Variants in ARHGAP15 observed in about 807,000 individuals in gnomAD.
ARHGAP15 encodes rho GTPase-activating protein 15.
ARHGAP15 carries 51 observed loss-of-function variants against 63.7 expected under a neutral mutation model. The observed-to-expected ratio is 0.80, with a 90% CI of 0.64 to 1.01. The LOEUF is 1.01. Among genes scored for constraint, ARHGAP15 ranks in the 50% least tolerant of loss-of-function variants. The pLI is 0.00. For synonymous variants in ARHGAP15, 191 were observed against 193.8 expected (o/e 0.99, Z 0.12); for missense variants, 560 against 564.6 (o/e 0.99, Z 0.08).
chr2:143,371,008 G>A (rs1021547847), intron 6 of ARHGAP15, among the ~76,000 whole-genome samples: 2 of 152,102 alleles, frequency 1.3e-5, no homozygotes, highest in Non-Finnish European at 2.9e-5. Flanking sequence ...CTGATAAATT[G>A]GGGGGAATAG....
At chr2:143,346,204 A>ACACACACACTCTCT (rs1685275820) in intron 6 of ARHGAP15, among the ~76,000 whole-genome samples, 23 of 144,626 alleles carry the variant, frequency 1.6e-4, no homozygotes, top group Admixed American at 1.4e-3. Flanking sequence ...TCTCTCTCTC[A>ACACACACACTCTCT]CACACACACT....
chr2:143,241,582 A>G (rs997742063), intron 5 of ARHGAP15, among the ~76,000 whole-genome samples: 3 of 152,216 alleles, frequency 2.0e-5, no homozygotes, highest in Non-Finnish European at 4.4e-5. Context: ...TTCCAGTGGT[A>G]AGTATAAATA....
At chr2:143,556,362 T>C in intron 10 of ARHGAP15, 46 bp from the exon 11 acceptor site, 1 of 1,426,714 alleles carries the variant, frequency 7.0e-7, no homozygotes, top group Non-Finnish European at 9.6e-7. Context: ...TTAAACCATC[T>C]CAATTCCTAT....
chr2:143,231,814 TC>T (rs1281833962), intron 5 of ARHGAP15, among the ~76,000 whole-genome samples: 3 of 152,206 alleles, frequency 2.0e-5, no homozygotes, highest in African/African-American at 7.2e-5. Context: ...TCCTGCTTCC[TC>T]ATTTGCATCT....
chr2:143,230,629 A>G (rs1313985132), intron 5 of ARHGAP15, among the ~76,000 whole-genome samples: 1 of 152,190 alleles, frequency 6.6e-6, no homozygotes, highest in African/African-American at 2.4e-5. Context: ...TGGGTAAGAG[A>G]ATTACAGATT....
chr2:143,321,045 G>A (rs757279425), intron 6 of ARHGAP15, among the ~76,000 whole-genome samples: 11 of 152,256 alleles, frequency 7.2e-5, no homozygotes, highest in Non-Finnish European at 1.3e-4. Flanking sequence ...CCCTTGGATA[G>A]TCATGGGTAC....
chr2:143,493,057 CA>C (rs112141944), intron 9 of ARHGAP15, among the ~76,000 whole-genome samples: 57 of 148,200 alleles, frequency 3.8e-4, no homozygotes, highest in Admixed American at 1.0e-3. Flanking sequence ...GACTCTGTCT[CA>C]AAAAAAAACA....
At chr2:143,641,537 T>A (rs1680600546) in intron 12 of ARHGAP15, among the ~76,000 whole-genome samples, 1 of 152,140 alleles carries the variant, frequency 6.6e-6, no homozygotes, top group African/African-American at 2.4e-5. Flanking sequence ...TTCAGGAGAT[T>A]AATTATTTTA....
intron 6 of ARHGAP15, among the ~76,000 whole-genome samples, chr2:143,315,937 T>A (rs569402167): frequency 2.0e-4 from 31 of 151,836 alleles, no homozygotes; most frequent in South Asian, 1.9e-3. Context: ...ATACAAAAAA[T>A]TAGCTGGGCG....
At chr2:143,357,927 GTATT>G (rs1274339450) in intron 6 of ARHGAP15, among the ~76,000 whole-genome samples, 1 of 152,140 alleles carries the variant, frequency 6.6e-6, no homozygotes, top group Admixed American at 6.5e-5. Context: ...CCTTAAGAGA[GTATT>G]TATTTGTGTA....
At chr2:143,487,565 G>T in intron 9 of ARHGAP15, 70 bp downstream of exon 9, 2 of 1,462,892 alleles carry the variant, frequency 1.4e-6, no homozygotes, top group Non-Finnish European at 1.8e-6. Flanking sequence ...TAGCTAATCA[G>T]CTCTAAAGGA....
chr2:143,227,802 T>C lies in ARHGAP15; in HGVS notation c.297-779T>C, dbSNP rs568703767. Among the ~76,000 whole-genome samples, 3 of 152,306 alleles carry C rather than the reference T, an allele frequency of 2.0e-5. No individual in the cohort carries two copies. The South Asian group carries it at 6.2e-4, about 32-fold the overall frequency. On this transcript the variant is annotated intron_variant, in intron 4 of 13. Coordinates refer to ENST00000295095, the MANE Select transcript of ARHGAP15 (RefSeq NM_018460.4). The stretch of plus-strand genomic sequence containing the variant: ...TAATGATGCAATTAATTTCTATGCA[T>C]ACAGACTCGGCAATTTGTGAGACTA...
At chr2:143,373,928 A>G (rs917694916) in intron 6 of ARHGAP15, among the ~76,000 whole-genome samples, 1 of 152,212 alleles carries the variant, frequency 6.6e-6, no homozygotes, top group Non-Finnish European at 1.5e-5. Flanking sequence ...TCCCAAATAC[A>G]TGAAACATCC....
chr2:143,449,080 C>T (rs1178216795), intron 8 of ARHGAP15, among the ~76,000 whole-genome samples: 1 of 152,038 alleles, frequency 6.6e-6, no homozygotes, highest in Non-Finnish European at 1.5e-5. Context: ...TCCCTTCCAA[C>T]CCATGATTAC....
chr2:143,569,873 C>T (rs1310860174), intron 11 of ARHGAP15, among the ~76,000 whole-genome samples: 1 of 152,076 alleles, frequency 6.6e-6, no homozygotes, highest in Non-Finnish European at 1.5e-5. Context: ...TTCTATTTGT[C>T]TTATTTTCCA....
At chr2:143,437,906 C>T (rs1332061490) in intron 8 of ARHGAP15, among the ~76,000 whole-genome samples, 1 of 152,094 alleles carries the variant, frequency 6.6e-6, no homozygotes, top group Non-Finnish European at 1.5e-5. Flanking sequence ...TGCCTGTAAT[C>T]CCAGCTACTC....
intron 1 of ARHGAP15, among the ~76,000 whole-genome samples, chr2:143,144,179 A>G (rs577401287): frequency 6.6e-6 from 1 of 151,912 alleles, no homozygotes; most frequent in Admixed American, 6.6e-5. Context: ...GGGCATTTAG[A>G]TTAACTCTAT....
At chr2:143,606,124 A>T (rs1026292713) in intron 11 of ARHGAP15, among the ~76,000 whole-genome samples, 3 of 144,878 alleles carry the variant, frequency 2.1e-5, no homozygotes, top group African/African-American at 7.7e-5. Flanking sequence ...ATGATTTTAT[A>T]CTACTTTTAT....
At chr2:143,539,615 T>C (rs1377190969) in intron 10 of ARHGAP15, among the ~76,000 whole-genome samples, 1 of 152,234 alleles carries the variant, frequency 6.6e-6, no homozygotes, top group Non-Finnish European at 1.5e-5. Flanking sequence ...ACATCTTTAT[T>C]TCTGCCTTCA....
Sources: allele counts gnomAD v4.1 joint callset (sites outside exome capture counted in the v4.1 genomes callset), GRCh38; gene constraint gnomAD v4.1.1; transcripts MANE v1.5; gene names NCBI Gene and HGNC (gene_info 2026-07-23, HGNC 2026-07-21).